Variants in TMX3 observed in about 807,000 individuals in gnomAD.
TMX3 encodes the protein protein disulfide-isomerase TMX3.
In TMX3, 40 loss-of-function variants were observed where a neutral mutation model predicts 64.4. The ratio of observed to expected loss-of-function variants is 0.62; its 90% CI spans 0.48 to 0.81. The LOEUF (loss-of-function observed/expected upper bound fraction) is 0.81. Ranked by LOEUF, TMX3 falls within the 30% of genes least tolerant of loss-of-function variation. The probability of loss-of-function intolerance (pLI) is 0.00; values close to 1 mark genes in which losing one functional copy is unlikely to be tolerated. For synonymous variants in TMX3, 189 were observed against 175.7 expected (o/e 1.08, Z -0.60); for missense variants, 497 against 534.5 (o/e 0.93, Z 0.69).
Position 68,710,152 on chromosome 18 carries a change from T to TA in TMX3, c.142-9dup, listed in dbSNP as rs1568205725. 4 of 1,523,010 alleles carry TA rather than the reference T, an allele frequency of 2.6e-6. No homozygotes were observed. The highest frequency in any genetic ancestry group is 1.4e-5 in the African/African-American group (1 of 69,158). The allele number at this position is 1,523,010 out of a possible 1,614,324, so 94.3% of individuals were successfully genotyped here. ...ACACCATGGCGCATAAAACTTGTTT[T>TA]AAAAAAACAAACAACAAACAAAAAA... On this transcript the variant is annotated splice_polypyrimidine_tract_variant and intron_variant, in intron 3 of 15. Transcript: ENST00000299608.
intron 6 of TMX3, among the ~76,000 whole-genome samples, 186 bp downstream of exon 6, chr18:68,700,219 T>C (rs1221791756): frequency 1.3e-5 from 2 of 152,152 alleles, no homozygotes; most frequent in Non-Finnish European, 2.9e-5. Context: ...ATACAAACCA[T>C]GGTCTCTTTC....
rs762349347 is a variant in TMX3 at position 68,710,112 on chromosome 18, C to T, written c.174G>A (p.Lys58=). 9 of 1,598,922 alleles carry T rather than the reference C, an allele frequency of 5.6e-6. No homozygotes were observed. The African/African-American group carries it at 8.1e-5, about 14-fold the overall frequency. ...FYAPWCGHCK[K]LEPIWNEVGL... ...CAACTTCATTCCAAATTGGTTCCAG[C>T]TTTTTACAATGGCCACACCATGGCG... The change falls in exon 4 of 16, where the codon AAG becomes AAA. Residue 58 remains lysine, a synonymous_variant. Transcript: ENST00000299608.
chr18:68,707,987 GTA>G (rs943320401), intron 4 of TMX3, among the ~76,000 whole-genome samples: 4 of 146,650 alleles, frequency 2.7e-5, no homozygotes, highest in Admixed American at 6.7e-5. Flanking sequence ...ATGTGTATGT[GTA>G]TATATGTGTA....
At chr18:68,711,728 C>T (rs1402992299) in intron 2 of TMX3, among the ~76,000 whole-genome samples, 1 of 152,170 alleles carries the variant, frequency 6.6e-6, no homozygotes, top group Admixed American at 6.5e-5. Flanking sequence ...CCAAAGGAAG[C>T]CTGAGGCTGC....
chr18:68,682,308 G>A (rs1017433169), intron 13 of TMX3, among the ~76,000 whole-genome samples: 2 of 152,100 alleles, frequency 1.3e-5, no homozygotes, highest in Non-Finnish European at 2.9e-5. Context: ...ACAGGGTTTG[G>A]TAAATGTTTT....
chr18:68,700,041 T>C (rs894728803), intron 6 of TMX3, among the ~76,000 whole-genome samples: 1 of 152,118 alleles, frequency 6.6e-6, no homozygotes, highest in Non-Finnish European at 1.5e-5. Flanking sequence ...CAAGGCTTTG[T>C]TGAAAACTCT....
intron 7 of TMX3, 179 bp downstream of exon 7, chr18:68,697,753 T>C (rs1915240415): frequency 3.8e-6 from 2 of 524,466 alleles, no homozygotes; most frequent in South Asian, 3.1e-5. Context: ...CTGTTTCATA[T>C]AGGAAAACAT....
intron 2 of TMX3, 102 bp from the exon 3 acceptor site, chr18:68,711,505 C>T: frequency 1.4e-6 from 1 of 730,622 alleles, no homozygotes; most frequent in Middle Eastern, 2.8e-4. Flanking sequence ...AGGGAAAGAC[C>T]CAAATTCCTT....
intron 4 of TMX3, among the ~76,000 whole-genome samples, chr18:68,703,194 C>A (rs1311194483): frequency 6.6e-6 from 1 of 152,052 alleles, no homozygotes; most frequent in Non-Finnish European, 1.5e-5. Flanking sequence ...TTTTAATGAC[C>A]CCTTTCCAAA....
At chr18:68,695,507 AC>A (rs1460970162) in intron 8 of TMX3, among the ~76,000 whole-genome samples, 2 of 152,156 alleles carry the variant, frequency 1.3e-5, no homozygotes, top group Non-Finnish European at 2.9e-5. Context: ...AATTCAAAGC[AC>A]TTTTCACCCT....
intron 13 of TMX3, among the ~76,000 whole-genome samples, chr18:68,681,981 C>T (rs947505420): frequency 3.3e-5 from 5 of 152,178 alleles, no homozygotes; most frequent in Admixed American, 2.0e-4. Context: ...ACTCTTTAGA[C>T]GTTTTCTTAA....
Position 68,703,822 on chromosome 18 carries a change from C to T in TMX3, c.266-2032G>A, listed in dbSNP as rs535586487. Among the ~76,000 whole-genome samples the T allele has an allele frequency of 2.4e-4, 36 of 151,832 alleles. No individual in the cohort carries two copies. The East Asian group carries it at 3.7e-3, about 16-fold the overall frequency. On this transcript the variant is annotated intron_variant, in intron 4 of 15. Transcript: ENST00000299608. ...GCGGGTGCCTGTAGTCCCAGCTACT[C>T]GGGAGGCTGAGGCAGGAGAATGGTG... is the stretch of plus-strand genomic sequence containing the variant.
At chr18:68,694,677 G>C (rs1173190932) in intron 8 of TMX3, among the ~76,000 whole-genome samples, 1 of 152,088 alleles carries the variant, frequency 6.6e-6, no homozygotes, top group Non-Finnish European at 1.5e-5. Flanking sequence ...ACACCCTAAG[G>C]ATCCCGTGAC....
intron 9 of TMX3, chr18:68,689,121 G>C (rs1193851899): frequency 6.6e-6 from 1 of 152,162 alleles, no homozygotes; most frequent in Non-Finnish European, 1.5e-5. Context: ...CTAAACATTA[G>C]CAACAATTAA....
intron 4 of TMX3, among the ~76,000 whole-genome samples, chr18:68,707,152 T>C (rs2030754224): frequency 6.6e-6 from 1 of 151,976 alleles, no homozygotes; most frequent in Non-Finnish European, 1.5e-5. Context: ...AAGTGTCTGC[T>C]AAATGAATGA....
chr18:68,680,959 G>GA lies in TMX3; in HGVS notation c.1035+21dup, dbSNP rs778290894. 4 of 1,550,918 alleles carry GA rather than the reference G, an allele frequency of 2.6e-6. No individual in the cohort carries two copies. The South Asian group carries it at 3.8e-5, about 15-fold the overall frequency. On this transcript the variant is annotated intron_variant, in intron 14 of 15. Coordinates refer to ENST00000299608, the MANE Select transcript of TMX3 (RefSeq NM_019022.5). ...TCTACCCCCTGTCCATCATCTCTTTGAAACAGAAGTGAACAACTTACTTCT... is the reference window on the plus strand; with the variant it reads ...TCTACCCCCTGTCCATCATCTCTTTGAAAACAGAAGTGAACAACTTACTTCT...
chr18:68,694,666 G>A lies in TMX3; in HGVS notation c.570+2560C>T, dbSNP rs565273527. On this transcript the variant is annotated intron_variant, in intron 8 of 15. Coordinates refer to ENST00000299608, the MANE Select transcript of TMX3 (RefSeq NM_019022.5). ...CACAGAGGTTTCTGGCTGGTGAAAC[G>A]ACACCCTAAGGATCCCGTGACATTA... is the stretch of plus-strand genomic sequence containing the variant. Among the ~76,000 whole-genome samples the A allele has an allele frequency of 1.2e-4, 18 of 152,224 alleles. No individual in the cohort carries two copies. In the South Asian group the frequency reaches 3.3e-3, roughly 28 times the overall value.
At position 68,675,728 on chromosome 18, in the gene TMX3, A is replaced by G. The variant is rs1018552117; in HGVS notation, c.*1205T>C. Reference sequence around the variant, plus strand: ...ATAATTTATCTACAATAAACATACCAAACTGTTACTTTAAAAAAAAGAGTT... The same window carrying G: ...ATAATTTATCTACAATAAACATACCGAACTGTTACTTTAAAAAAAAGAGTT... On this transcript the variant is annotated 3_prime_UTR_variant, in exon 16 of 16. Transcript: ENST00000299608. The G allele has an allele frequency of 1.3e-5, 2 of 152,194 alleles. No individual in the cohort carries two copies. The highest frequency in any genetic ancestry group is 4.8e-5 in the African/African-American group (2 of 41,464). The allele number at this position is 152,194 out of a possible 1,614,324, so 9.4% of individuals were successfully genotyped here. A position where few individuals can be genotyped will look rare whatever the true frequency, so the allele number is the denominator to read the frequency against.
At chr18:68,701,203 T>A (rs1417329391) in intron 5 of TMX3, 1 of 199,450 alleles carries the variant, frequency 5.0e-6, no homozygotes, top group Non-Finnish European at 9.0e-6. Context: ...TTTAAAAATT[T>A]GAGATGTTAA....
Sources: allele counts gnomAD v4.1 joint callset (sites outside exome capture counted in the v4.1 genomes callset), GRCh38; gene constraint gnomAD v4.1.1; transcripts MANE v1.5; gene names NCBI Gene and HGNC (gene_info 2026-07-23, HGNC 2026-07-21).